Variants in SPEF2 observed in about 807,000 individuals in gnomAD.
SPEF2 encodes the protein sperm flagellar and cilia associated 2.
SPEF2 carries 187 observed loss-of-function variants against 224.6 expected under a neutral mutation model. The ratio of observed to expected loss-of-function variants is 0.83; its 90% CI spans 0.74 to 0.94. The LOEUF is 0.94. SPEF2 is among the 40% of genes least tolerant of loss of function. The probability of loss-of-function intolerance (pLI) is 0.00; values close to 1 mark genes in which losing one functional copy is unlikely to be tolerated. For synonymous variants in SPEF2, 715 were observed against 707.3 expected, an observed-to-expected ratio of 1.01 and a Z score of -0.17; for missense variants, 2,170 against 2,135.6, an observed-to-expected ratio of 1.02 and a Z score of -0.32.
intron 26 of SPEF2, among the ~76,000 whole-genome samples, chr5:35,767,814 A>T (rs1026676163): frequency 1.3e-5 from 2 of 152,070 alleles, no homozygotes; most frequent in African/African-American, 4.8e-5. Context: ...TTCATTATTG[A>T]CCTAAGAGAA....
In SPEF2 at chr5:35,773,994, G is replaced by C. The variant is rs778824454; in HGVS notation, c.4051G>C (p.Glu1351Gln). 6.2e-7 allele frequency: 1 copy of C among 1,612,882 alleles called. No homozygotes were observed. The highest frequency in any genetic ancestry group is 8.5e-7 in the Non-Finnish European group (1 of 1,179,406). The change falls in exon 28 of 37, where the codon GAA becomes CAA. Residue 1351 changes from glutamate (E) to glutamine (Q), a missense_variant. Glu to Gln is a conservative substitution (Grantham distance 29, BLOSUM62 2). Transcript: ENST00000356031. ...KNELRVKIKEEHLAALQFEEI... is the reference protein window; with the variant it reads ...KNELRVKIKEQHLAALQFEEI... ...TGAACTGAGGGTCAAAATAAAAGAA[G>C]AACACCTTGCTGCCTTGCAATTTGA...
chr5:35,643,364 T>A (rs1393789723), intron 3 of SPEF2: 1 of 381,806 alleles, frequency 2.6e-6, no homozygotes, highest in Admixed American at 3.0e-5. Context: ...GTGATATGGA[T>A]TGCAGTGAGT....
intron 36 of SPEF2, among the ~76,000 whole-genome samples, chr5:35,808,976 T>C (rs1395105575): frequency 6.6e-6 from 1 of 151,858 alleles, no homozygotes; most frequent in Non-Finnish European, 1.5e-5. Flanking sequence ...GAACACAGGC[T>C]CTGGAATCAG....
At chr5:35,789,350 G>A in intron 30 of SPEF2, 1 of 703,446 alleles carries the variant, frequency 1.4e-6, no homozygotes, top group Non-Finnish European at 2.6e-6. Flanking sequence ...GTCAATGCTG[G>A]AAATGCTCCA....
At chr5:35,674,186 C>T (rs1024981042) in intron 10 of SPEF2, among the ~76,000 whole-genome samples, 1 of 152,076 alleles carries the variant, frequency 6.6e-6, no homozygotes, top group Non-Finnish European at 1.5e-5. Flanking sequence ...ATTTATTTTT[C>T]ATAGTTCTGG....
intron 24 of SPEF2, among the ~76,000 whole-genome samples, chr5:35,756,560 G>A (rs1198648673): frequency 4.6e-5 from 7 of 152,194 alleles, no homozygotes; most frequent in Non-Finnish European, 1.5e-5. Flanking sequence ...TGAGCTTTTT[G>A]TCCAGGATGC....
chr5:35,747,929 A>T, intron 23 of SPEF2, among the ~76,000 whole-genome samples: 1 of 152,230 alleles, frequency 6.6e-6, no homozygotes, highest in East Asian at 1.9e-4. Context: ...AGACCATATG[A>T]TAGGCTATAA....
chr5:35,763,810 G>A, intron 26 of SPEF2, 108 bp downstream of exon 26: 1 of 1,059,092 alleles, frequency 9.4e-7, no homozygotes, highest in Non-Finnish European at 1.3e-6. Context: ...AAGCACTGTA[G>A]AAAATTGTAC....
chr5:35,695,034 A>G (rs932036625), intron 13 of SPEF2, among the ~76,000 whole-genome samples: 14 of 152,174 alleles, frequency 9.2e-5, no homozygotes, highest in African/African-American at 3.4e-4. Context: ...CTCCTGTGCT[A>G]TCATTATTAT....
chr5:35,703,361 A>T (rs905415789), intron 16 of SPEF2, among the ~76,000 whole-genome samples: 1 of 152,172 alleles, frequency 6.6e-6, no homozygotes, highest in African/African-American at 2.4e-5. Context: ...TTTGCTAGAA[A>T]GCATAAAGTG....
At chr5:35,759,743 C>T (rs1750959540) in intron 25 of SPEF2, 24 bp downstream of exon 25, 2 of 1,499,868 alleles carry the variant, frequency 1.3e-6, no homozygotes, top group South Asian at 1.4e-5. Context: ...TTATATCACA[C>T]TGTAATTGTT....
In SPEF2 at chr5:35,771,603, A is replaced by C; in HGVS notation, c.3802-6A>C. 1 of 1,588,618 alleles carries C rather than the reference A, an allele frequency of 6.3e-7. No homozygotes were observed. The highest frequency in any genetic ancestry group is 1.2e-5 in the South Asian group (1 of 85,676). ...ATTAACTGAAATATTGCTGTTACGC[A>C]ACCAGGTGGCTGCTGAAATTCATCA... On this transcript the variant is annotated splice_region_variant and splice_polypyrimidine_tract_variant and intron_variant, in intron 26 of 36. Coordinates refer to ENST00000356031, the MANE Select transcript of SPEF2 (RefSeq NM_024867.4).
At chr5:35,813,901 T>C (rs1398049862) in intron 36 of SPEF2, among the ~76,000 whole-genome samples, 2 of 152,114 alleles carry the variant, frequency 1.3e-5, no homozygotes, top group African/African-American at 2.4e-5. Context: ...TCCTTCTACA[T>C]TGTAATAATA....
chr5:35,730,990 G>A (rs1386822239), intron 21 of SPEF2, among the ~76,000 whole-genome samples: 2 of 152,164 alleles, frequency 1.3e-5, no homozygotes, highest in Non-Finnish European at 2.9e-5. Flanking sequence ...ATTATGAAAG[G>A]ATAGGAATTT....
At chr5:35,783,835 A>G (rs996195546) in intron 30 of SPEF2, among the ~76,000 whole-genome samples, 37 of 152,150 alleles carry the variant, frequency 2.4e-4, no homozygotes, top group Non-Finnish European at 1.5e-5. Context: ...TGATGGAAGC[A>G]ATTTGGATTC....
intron 10 of SPEF2, chr5:35,678,667 C>A (rs1752358407): frequency 6.6e-6 from 1 of 152,264 alleles, no homozygotes; most frequent in South Asian, 2.1e-4. Context: ...CTGAGGCCTT[C>A]TTGAAACTGG....
At chr5:35,754,371 T>A (rs1750138463) in intron 24 of SPEF2, among the ~76,000 whole-genome samples, 1 of 150,314 alleles carries the variant, frequency 6.7e-6, no homozygotes, top group Non-Finnish European at 1.5e-5. Context: ...GGCTAGAGAG[T>A]TTTTAAGAGC....
intron 23 of SPEF2, among the ~76,000 whole-genome samples, chr5:35,741,638 G>A (rs930214270): frequency 1.3e-5 from 2 of 152,140 alleles, no homozygotes; most frequent in South Asian, 4.1e-4. Context: ...AGGAAGACAC[G>A]TTGGAACCAG....
intron 10 of SPEF2, among the ~76,000 whole-genome samples, chr5:35,676,569 AAAT>A (rs1165294848): frequency 6.6e-6 from 1 of 152,050 alleles, no homozygotes; most frequent in African/African-American, 2.4e-5. Flanking sequence ...TCTCTCCTAA[AAAT>A]ACAAAAATTA....
Sources: gnomAD v4.1 joint callset for allele counts (sites outside exome capture counted in the v4.1 genomes callset) on GRCh38, gnomAD v4.1.1 for gene constraint, MANE v1.5 for transcripts, NCBI Gene and HGNC (gene_info 2026-07-23, HGNC 2026-07-21) for gene names.